The following RGS6 variants were observed in gnomAD, a reference collection of about 807,000 sequenced individuals.
RGS6 encodes regulator of G-protein signaling 6.
A neutral mutation model predicts 78.5 loss-of-function variants in RGS6; 30 were observed. The observed-to-expected ratio is 0.38, with a 90% CI of 0.29 to 0.52. RGS6 has a LOEUF of 0.52. Ranked by LOEUF, RGS6 falls within the 20% of genes least tolerant of loss-of-function variation. The probability of loss-of-function intolerance (pLI) is 0.85; values close to 1 mark genes in which losing one functional copy is unlikely to be tolerated. For synonymous variants in RGS6, 206 were observed against 206.0 expected (o/e 1.00, Z 0.00); for missense variants, 495 against 609.7 (o/e 0.81, Z 1.98).
chr14:72,126,924 C>G (rs2096208533), intron 2 of RGS6, among the ~76,000 whole-genome samples: 1 of 152,060 alleles, frequency 6.6e-6, no homozygotes. Flanking sequence ...CATCTCTCAT[C>G]TCATCTCGCA....
intron 2 of RGS6, among the ~76,000 whole-genome samples, chr14:72,001,630 T>C (rs1464160072): frequency 6.6e-6 from 1 of 152,150 alleles, no homozygotes; most frequent in Non-Finnish European, 1.5e-5. Context: ...TCTCTTATTT[T>C]CTTTTACACC....
the RGS6 span, among the ~76,000 whole-genome samples, chr14:72,605,122 G>A: frequency 6.6e-6 from 1 of 152,238 alleles, no homozygotes; most frequent in Non-Finnish European, 1.5e-5. Flanking sequence ...TTTCAAAGCT[G>A]AGTTGGAGTG....
intron 2 of RGS6, among the ~76,000 whole-genome samples, chr14:72,032,091 A>G (rs2090988558): frequency 6.6e-6 from 1 of 152,282 alleles, no homozygotes; most frequent in East Asian, 1.9e-4. Flanking sequence ...TTCTACCAAC[A>G]CGCTATAAAT....
intron 3 of RGS6, among the ~76,000 whole-genome samples, chr14:72,361,884 A>G (rs1470884129): frequency 6.6e-6 from 1 of 152,172 alleles, no homozygotes; most frequent in African/African-American, 2.4e-5. Context: ...TAGTAGCAGG[A>G]CAGTCACTTA....
At chr14:72,328,182 G>A (rs1176188962) in intron 2 of RGS6, among the ~76,000 whole-genome samples, 1 of 152,126 alleles carries the variant, frequency 6.6e-6, no homozygotes, top group Non-Finnish European at 1.5e-5. Context: ...GAAGATGCTT[G>A]CCCACACCAG....
chr14:72,514,315 C>A (rs1598551014), intron 14 of RGS6, among the ~76,000 whole-genome samples: 1 of 152,214 alleles, frequency 6.6e-6, no homozygotes, highest in Non-Finnish European at 1.5e-5. Context: ...TATTTTCTAA[C>A]CCATGAAAAT....
intron 12 of RGS6, among the ~76,000 whole-genome samples, chr14:72,487,788 T>C (rs1167014247): frequency 6.6e-6 from 1 of 152,204 alleles, no homozygotes; most frequent in Non-Finnish European, 1.5e-5. Context: ...CTTAGAATTA[T>C]AAGACAATAC....
chr14:72,272,612 T>C (rs779010313), intron 2 of RGS6, among the ~76,000 whole-genome samples: 4 of 152,188 alleles, frequency 2.6e-5, no homozygotes, highest in Admixed American at 6.5e-5. Flanking sequence ...TTGTGTAATA[T>C]ACAGCTCGGT....
At chr14:72,524,243 G>A (rs8008812) in intron 15 of RGS6, among the ~76,000 whole-genome samples, 21,029 of 152,164 alleles carry the variant, frequency 0.14, 1,484 homozygotes, top group African/African-American at 0.18. Context: ...GTCCTGGAAT[G>A]CATCCTAAGG....
chr14:72,026,122 A>G (rs2089790262), intron 2 of RGS6, among the ~76,000 whole-genome samples: 1 of 152,152 alleles, frequency 6.6e-6, no homozygotes, highest in Non-Finnish European at 1.5e-5. Context: ...AGTAGCCATC[A>G]GGGGCCGGGC....
At chr14:71,898,845 C>T in the RGS6 span, among the ~76,000 whole-genome samples, 495 of 152,262 alleles carry the variant, frequency 3.3e-3, 4 homozygotes, top group African/African-American at 0.012. Context: ...GACATGAACT[C>T]AATTCTTTTT....
intron 17 of RGS6, chr14:72,547,086 G>A (rs1184081310): frequency 3.0e-5 from 38 of 1,281,278 alleles, no homozygotes; most frequent in Non-Finnish European, 3.3e-6. Flanking sequence ...GAAGGGGAGT[G>A]CAGGGCCCCC....
chr14:72,091,487 C>G (rs1404356096), intron 2 of RGS6, among the ~76,000 whole-genome samples: 2 of 152,168 alleles, frequency 1.3e-5, no homozygotes, highest in African/African-American at 4.8e-5. Context: ...GAGCTGAGCT[C>G]CACTTCTCTC....
chr14:72,507,674 C>T (rs2096825321), intron 13 of RGS6, among the ~76,000 whole-genome samples: 1 of 152,206 alleles, frequency 6.6e-6, no homozygotes, highest in African/African-American at 2.4e-5. Flanking sequence ...TGTGGACTCA[C>T]CACTTGGGTA....
chr14:71,986,936 C>T (rs2094737739), intron 2 of RGS6, among the ~76,000 whole-genome samples: 1 of 152,102 alleles, frequency 6.6e-6, no homozygotes, highest in Admixed American at 6.5e-5. Context: ...CTCTGACCTT[C>T]CTTTCTCTCT....
rs562237836 is a variant in RGS6, at chr14:72,310,404, C to T, written c.85-41691C>T. 2.6e-5 allele frequency among the ~76,000 whole-genome samples: 4 copies of T among 152,312 alleles called. No homozygotes were observed. In the South Asian group the frequency reaches 6.2e-4, roughly 24 times the overall value. ...TGAGCTTTGTCTTTCTGGAGTGAGC[C>T]GATTCCTAGGCCCCTTGACCTTTGC... On this transcript the variant is annotated intron_variant, in intron 2 of 17. Transcript: ENST00000553525.
chr14:72,169,438 A>AT (rs1350813937), intron 2 of RGS6, among the ~76,000 whole-genome samples: 2 of 152,232 alleles, frequency 1.3e-5, no homozygotes, highest in Non-Finnish European at 2.9e-5. Context: ...ATGTTGCTGT[A>AT]TGATGGCTTT....
At chr14:72,172,998 C>T (rs569406402) in intron 2 of RGS6, among the ~76,000 whole-genome samples, 1 of 152,286 alleles carries the variant, frequency 6.6e-6, no homozygotes, top group South Asian at 2.1e-4. Flanking sequence ...TCTGCCCTAC[C>T]TGGGGCAGGG....
chr14:72,069,986 T>C (rs1375849653), intron 2 of RGS6, among the ~76,000 whole-genome samples: 5 of 152,232 alleles, frequency 3.3e-5, no homozygotes, highest in Admixed American at 3.3e-4. Flanking sequence ...AGACCTTCCT[T>C]AACTGAGAGT....
Sources: gnomAD v4.1 joint callset for allele counts (sites outside exome capture counted in the v4.1 genomes callset) on GRCh38, gnomAD v4.1.1 for gene constraint, MANE v1.5 for transcripts, NCBI Gene and HGNC (gene_info 2026-07-23, HGNC 2026-07-21) for gene names.